Variants in KIRREL3 observed in about 807,000 individuals in gnomAD.
KIRREL3 encodes the protein kin of IRRE-like protein 3.
Under a neutral mutation model 89.7 loss-of-function variants are expected in KIRREL3, and 36 were observed. The observed-to-expected ratio is 0.40, with a 90% CI of 0.31 to 0.53. The LOEUF is 0.53. KIRREL3 is among the 20% of genes least tolerant of loss of function. The pLI is 0.49. For synonymous variants in KIRREL3, 445 were observed against 441.4 expected (o/e 1.01, Z -0.10); for missense variants, 864 against 1,056.6 (o/e 0.82, Z 2.53).
intron 1 of KIRREL3, among the ~76,000 whole-genome samples, chr11:126,603,372 G>C (rs1026478583): frequency 3.9e-5 from 6 of 152,226 alleles, no homozygotes; most frequent in African/African-American, 1.4e-4. Context: ...CCCAATGAAT[G>C]AGGGGGCAGA....
rs1478250106 is a variant in KIRREL3, at chr11:126,946,943, A to T, written c.55+53512T>A. Among the ~76,000 whole-genome samples, 1 of 152,196 alleles carries T rather than the reference A, an allele frequency of 6.6e-6. No individual in the cohort carries two copies. Among genetic ancestry groups the T allele is most frequent in the African/African-American group, 2.4e-5 (1 of 41,460 alleles). The stretch of plus-strand genomic sequence containing the variant: ...GAATGTGCAGGCATTGAGTGGTTAA[A>T]TAACTTCCTAGGCACACTGCTTGCA... On this transcript the variant is annotated intron_variant, in intron 1 of 16. Coordinates refer to ENST00000525144, the MANE Select transcript of KIRREL3 (RefSeq NM_032531.4). This position sits in a 1 kb window ranked among gnomAD's most constrained non-coding sequence, Gnocchi z 4.1.
At position 126,652,547 on chromosome 11, in the gene KIRREL3, G is replaced by A. The variant is rs1482169023; in HGVS notation, c.56-89635C>T. On this transcript the variant is annotated intron_variant, in intron 1 of 16. Coordinates refer to ENST00000525144, the MANE Select transcript of KIRREL3 (RefSeq NM_032531.4). This position sits in a 1 kb window ranked among gnomAD's most constrained non-coding sequence, Gnocchi z 4.9. ...ACAGGTCAGGGGGCTGTGGACAAGA[G>A]GTCAGGCCATTTGCCAAAGTCCTCC... Among the ~76,000 whole-genome samples, 2 of 152,144 alleles carry A rather than the reference G, an allele frequency of 1.3e-5. No homozygotes were observed. The highest frequency in any genetic ancestry group is 1.5e-5 in the Non-Finnish European group (1 of 68,044).
Position 126,912,547 on chromosome 11 carries a change from G to T in KIRREL3, c.55+87908C>A, listed in dbSNP as rs1158271890. 6.6e-6 allele frequency among the ~76,000 whole-genome samples: 1 copy of T among 152,172 alleles called. No homozygotes were observed. The highest frequency in any genetic ancestry group is 2.4e-5 in the African/African-American group (1 of 41,438). On this transcript the variant is annotated intron_variant, in intron 1 of 16. Coordinates refer to ENST00000525144, the MANE Select transcript of KIRREL3 (RefSeq NM_032531.4). This position sits in a 1 kb window ranked among gnomAD's most constrained non-coding sequence, Gnocchi z 4.7. ...CTACAAAACAAGCAACCCACCATGA[G>T]CTGTGAGATGGAAATAACTCATCTT... is the stretch of plus-strand genomic sequence containing the variant.
In KIRREL3 at chr11:126,953,636, G is replaced by A. The variant is rs1412787772; in HGVS notation, c.55+46819C>T. Reference sequence around the variant, plus strand: ...AGATAGAGAGACAGAGAGAGAGAACGACCAAGTACGATGACAAGATAAAAA... The same window carrying A: ...AGATAGAGAGACAGAGAGAGAGAACAACCAAGTACGATGACAAGATAAAAA... On this transcript the variant is annotated intron_variant, in intron 1 of 16. Coordinates refer to ENST00000525144, the MANE Select transcript of KIRREL3 (RefSeq NM_032531.4). This position sits in a 1 kb window ranked among gnomAD's most constrained non-coding sequence, Gnocchi z 5.2. Among the ~76,000 whole-genome samples the A allele has an allele frequency of 2.0e-5, 3 of 152,008 alleles. No individual in the cohort carries two copies. Among genetic ancestry groups the A allele is most frequent in the African/African-American group, 4.8e-5 (2 of 41,382 alleles).
chr11:126,636,031 T>G lies in KIRREL3; in HGVS notation c.56-73119A>C, dbSNP rs370130452. 1.3e-5 allele frequency among the ~76,000 whole-genome samples: 2 copies of G among 152,220 alleles called. No individual in the cohort carries two copies. The highest frequency in any genetic ancestry group is 6.5e-5 in the Admixed American group (1 of 15,286). The stretch of plus-strand genomic sequence containing the variant: ...ACTTGAATGCCCCTGAGTCAAAGTC[T>G]GCTCTGAAGACCAGCCCCCTTAGAG... On this transcript the variant is annotated intron_variant, in intron 1 of 16. Transcript: ENST00000525144. The surrounding 1 kb of genome is among the most constrained non-coding windows in gnomAD (Gnocchi z 4.4).
At chr11:126,436,608 T>A (rs1955345525) in intron 12 of KIRREL3, among the ~76,000 whole-genome samples, 1 of 152,260 alleles carries the variant, frequency 6.6e-6, no homozygotes, top group Non-Finnish European at 1.5e-5. Context: ...TGGTTCCTGG[T>A]GGAGGCTCGT....
chr11:126,505,654 A>G (rs928274325), intron 4 of KIRREL3, among the ~76,000 whole-genome samples: 1 of 152,228 alleles, frequency 6.6e-6, no homozygotes, highest in African/African-American at 2.4e-5. Context: ...CCATCTATAT[A>G]TAATCTTAGC....
chr11:126,714,584 G>A (rs1201413005), intron 1 of KIRREL3, among the ~76,000 whole-genome samples: 1 of 152,186 alleles, frequency 6.6e-6, no homozygotes, highest in Non-Finnish European at 1.5e-5. Flanking sequence ...TGATAGGTAT[G>A]GGGCTGGTGG....
In KIRREL3 at chr11:126,526,581, C is replaced by A; in HGVS notation, c.240G>T (p.Trp80Cys). 6.2e-7 allele frequency: 1 copy of A among 1,612,952 alleles called. No homozygotes were observed. Among genetic ancestry groups the A allele is most frequent in the Non-Finnish European group, 8.5e-7 (1 of 1,179,542 alleles). ...AIPEYDGFVLWIKDGLALGVG... is the reference protein window; with the variant it reads ...AIPEYDGFVLCIKDGLALGVG... ...CACCCAGAGCCAAGCCGTCCTTGAT[C>A]CACAGAACGAAGCCATCGTATTCGG... The change falls in exon 3 of 17, where the codon TGG (tryptophan) becomes TGT (cysteine). Residue 80 changes from tryptophan to cysteine, a missense_variant. Coordinates refer to ENST00000525144, the MANE Select transcript of KIRREL3 (RefSeq NM_032531.4). The surrounding 1 kb of genome is among the most constrained non-coding windows in gnomAD (Gnocchi z 5.7).
rs138751914 is a variant in KIRREL3, at chr11:126,709,339, C to T, written c.56-146427G>A. 1.3e-5 allele frequency among the ~76,000 whole-genome samples: 2 copies of T among 152,110 alleles called. No homozygotes were observed. Among genetic ancestry groups the T allele is most frequent in the Non-Finnish European group, 2.9e-5 (2 of 68,012 alleles). On this transcript the variant is annotated intron_variant, in intron 1 of 16. Transcript: ENST00000525144. The surrounding 1 kb of genome is among the most constrained non-coding windows in gnomAD (Gnocchi z 4.0). Reference sequence around the variant, plus strand: ...GTTCCAATCAGTCCTATCTCTTCCCCGGGAGTAGGGGTGGAGGGGCAGCAC... The same window carrying T: ...GTTCCAATCAGTCCTATCTCTTCCCTGGGAGTAGGGGTGGAGGGGCAGCAC...
chr11:126,871,186 T>A (rs1320358637), intron 1 of KIRREL3, among the ~76,000 whole-genome samples: 1 of 152,176 alleles, frequency 6.6e-6, no homozygotes, highest in African/African-American at 2.4e-5. Context: ...CTCTGACACC[T>A]GAGTTTGAGT....
Position 126,805,927 on chromosome 11 carries a change from C to T in KIRREL3, c.55+194528G>A, listed in dbSNP as rs1951189747. ...ATCCCCTCCACCTTCTCCGTGCGGC[C>T]TCTCCCTTGGCTGTCCTCTGAATGT... On this transcript the variant is annotated intron_variant, in intron 1 of 16. Transcript: ENST00000525144. This position sits in a 1 kb window ranked among gnomAD's most constrained non-coding sequence, Gnocchi z 4.3. Among the ~76,000 whole-genome samples, 1 of 152,176 alleles carries T rather than the reference C, an allele frequency of 6.6e-6. No homozygotes were observed. The highest frequency in any genetic ancestry group is 1.5e-5 in the Non-Finnish European group (1 of 68,020).
chr11:126,691,262 T>A (rs1191875190), intron 1 of KIRREL3, among the ~76,000 whole-genome samples: 1 of 152,194 alleles, frequency 6.6e-6, no homozygotes, highest in Admixed American at 6.5e-5. Flanking sequence ...TGCTCCATCA[T>A]CCATCAATCC....
chr11:126,648,730 A>T (rs1388385955), intron 1 of KIRREL3, among the ~76,000 whole-genome samples: 1 of 151,844 alleles, frequency 6.6e-6, no homozygotes, highest in Admixed American at 6.6e-5. Flanking sequence ...GTGCTGTGAT[A>T]ATCTTCAAGA....
In KIRREL3 at chr11:126,672,899, C is replaced by T. The variant is rs145589134; in HGVS notation, c.56-109987G>A. Among the ~76,000 whole-genome samples, 669 of 152,288 alleles carry T rather than the reference C, an allele frequency of 4.4e-3. 2 individuals are homozygous for T. Among genetic ancestry groups the T allele is most frequent in the Non-Finnish European group, 6.9e-3 (469 of 68,028 alleles). Reference sequence around the variant, plus strand: ...TTGCATTAGTGTTTCAATTGCTTTGCGTTAACCTTAAGTTTCAAAATTTCT... The same window carrying T: ...TTGCATTAGTGTTTCAATTGCTTTGTGTTAACCTTAAGTTTCAAAATTTCT... On this transcript the variant is annotated intron_variant, in intron 1 of 16. Transcript: ENST00000525144.
chr11:126,660,501 T>C lies in KIRREL3; in HGVS notation c.56-97589A>G, dbSNP rs111300627. Among the ~76,000 whole-genome samples the C allele has an allele frequency of 9.2e-4, 140 of 152,288 alleles. 1 individual carries two copies. Among genetic ancestry groups the C allele is most frequent in the African/African-American group, 3.4e-3 (140 of 41,566 alleles). ...CGTCTGCACTGCTGCTTGCTTCCAT[T>C]AGCATGGCTAATTGAGAACTGACTG... On this transcript the variant is annotated intron_variant, in intron 1 of 16. Transcript: ENST00000525144.
chr11:126,841,539 G>A (rs972030815), intron 1 of KIRREL3, among the ~76,000 whole-genome samples: 3 of 152,188 alleles, frequency 2.0e-5, no homozygotes, highest in African/African-American at 4.8e-5. Flanking sequence ...TTCATTATTC[G>A]TTTACAGGTT....
At chr11:126,852,775 C>T (rs1409951356) in intron 1 of KIRREL3, among the ~76,000 whole-genome samples, 5 of 152,164 alleles carry the variant, frequency 3.3e-5, no homozygotes, top group Non-Finnish European at 7.3e-5. Flanking sequence ...TACTAAAGGT[C>T]CCCCGGCAAG....
intron 1 of KIRREL3, among the ~76,000 whole-genome samples, chr11:126,583,342 C>A (rs992395588): frequency 6.6e-6 from 1 of 152,186 alleles, no homozygotes; most frequent in Non-Finnish European, 1.5e-5. Flanking sequence ...ACTCTGAAAT[C>A]TCCAGTTCTG....
Sources: gnomAD v4.1 joint callset for allele counts (sites outside exome capture counted in the v4.1 genomes callset) on GRCh38, gnomAD v4.1.1 for gene constraint, Gnocchi (gnomAD v3.1) non-coding constraint, MANE v1.5 for transcripts, NCBI Gene and HGNC (gene_info 2026-07-23, HGNC 2026-07-21) for gene names.